Variants in AKAP6 observed in about 807,000 individuals in gnomAD.
AKAP6 encodes A-kinase anchor protein 6.
A neutral mutation model predicts 188.5 loss-of-function variants in AKAP6; 58 were observed. The ratio of observed to expected loss-of-function variants is 0.31; its 90% CI spans 0.25 to 0.38. The LOEUF is 0.38. AKAP6 is among the 10% of genes least tolerant of loss of function. The pLI is 1.00. For missense variants in AKAP6, 2,710 were observed against 2,740.0 expected, an observed-to-expected ratio of 0.99 and a Z score of 0.24; for synonymous variants, 989 against 998.6, an observed-to-expected ratio of 0.99 and a Z score of 0.18.
chr14:32,583,749 G>A (rs189964740), intron 5 of AKAP6, among the ~76,000 whole-genome samples: 4,602 of 152,228 alleles, frequency 0.03, 83 homozygotes, highest in South Asian at 0.048. Flanking sequence ...AGAAATCAGC[G>A]AGACTCCGTG....
intron 1 of AKAP6, among the ~76,000 whole-genome samples, chr14:32,366,022 A>T (rs753370419): frequency 1.3e-4 from 20 of 152,078 alleles, no homozygotes; most frequent in Non-Finnish European, 2.6e-4. Context: ...CCTGCCCCTT[A>T]GGAGGTAAAC....
chr14:32,638,077 A>G (rs1887590144), intron 7 of AKAP6, among the ~76,000 whole-genome samples: 1 of 152,122 alleles, frequency 6.6e-6, no homozygotes, highest in Non-Finnish European at 1.5e-5. Context: ...AAAGGCTATA[A>G]GAACACAAAG....
rs1888646253 is a variant in AKAP6, at chr14:32,389,695, G to T, written c.-34-43765G>T. 2.0e-5 allele frequency among the ~76,000 whole-genome samples: 3 copies of T among 152,068 alleles called. No homozygotes were observed. In the South Asian group the frequency reaches 6.2e-4, roughly 32 times the overall value. On this transcript the variant is annotated intron_variant, in intron 1 of 13. Transcript: ENST00000280979. ...GGTCCCCATCCCTTCTAGCTTGTAG[G>T]GTTTCTGCTGATAAATCTGCTGTTA...
chr14:32,691,563 C>T (rs1485757146), intron 8 of AKAP6, among the ~76,000 whole-genome samples: 2 of 151,788 alleles, frequency 1.3e-5, no homozygotes, highest in African/African-American at 2.4e-5. Flanking sequence ...TCTGATTTGC[C>T]ACTGTTTTTT....
intron 1 of AKAP6, among the ~76,000 whole-genome samples, chr14:32,408,932 T>C (rs1478705234): frequency 6.6e-6 from 1 of 152,106 alleles, no homozygotes; most frequent in Non-Finnish European, 1.5e-5. Context: ...GGCTCACCCC[T>C]ATATCGCCTG....
At chr14:32,611,542 T>C (rs1292769101) in intron 7 of AKAP6, among the ~76,000 whole-genome samples, 2 of 152,136 alleles carry the variant, frequency 1.3e-5, no homozygotes, top group African/African-American at 4.8e-5. Context: ...ACCTTGGAAG[T>C]TGATTTTAAC....
chr14:32,346,753 C>T lies in AKAP6; in HGVS notation c.-35+17345C>T, dbSNP rs1198553347. On this transcript the variant is annotated intron_variant, in intron 1 of 13. Transcript: ENST00000280979. ...TCGATCTCCTGACCTTGTGATCCAC[C>T]CACCTCGGCCTCCCAAAGTGCTGGG... is the stretch of plus-strand genomic sequence containing the variant. Among the ~76,000 whole-genome samples the T allele has an allele frequency of 2.0e-5, 3 of 152,206 alleles. No homozygotes were observed. The East Asian group carries it at 5.8e-4, about 29-fold the overall frequency.
intron 7 of AKAP6, among the ~76,000 whole-genome samples, chr14:32,621,490 G>GT (rs1170571909): frequency 6.6e-6 from 1 of 151,860 alleles, no homozygotes; most frequent in African/African-American, 2.4e-5. Flanking sequence ...ATTTTAAGGG[G>GT]TTTTTTGGAT....
chr14:32,384,130 T>C (rs1204946971), intron 1 of AKAP6, among the ~76,000 whole-genome samples: 2 of 152,188 alleles, frequency 1.3e-5, no homozygotes, highest in Non-Finnish European at 2.9e-5. Flanking sequence ...TTACGTTTGG[T>C]AAATGCTATG....
rs186382844 is a variant in AKAP6, at chr14:32,471,999, G to A, written c.324+38182G>A. ...GATTGTTCCTTAAGATAAAAGAGAG[G>A]TTTGAGAATTTACTTTTTGTCATAG... On this transcript the variant is annotated intron_variant, in intron 2 of 13. Coordinates refer to ENST00000280979, the MANE Select transcript of AKAP6 (RefSeq NM_004274.5). Among the ~76,000 whole-genome samples the A allele has an allele frequency of 2.0e-3, 312 of 152,248 alleles. 2 individuals are homozygous for A. The highest frequency in any genetic ancestry group is 3.5e-3 in the Non-Finnish European group (238 of 68,012).
intron 2 of AKAP6, among the ~76,000 whole-genome samples, chr14:32,454,264 C>G (rs1190968951): frequency 1.3e-5 from 2 of 152,194 alleles, no homozygotes; most frequent in Non-Finnish European, 2.9e-5. Context: ...CAATAAATAA[C>G]TAAGAGAAAT....
chr14:32,506,827 C>T (rs544864477), intron 2 of AKAP6, among the ~76,000 whole-genome samples: 1 of 152,178 alleles, frequency 6.6e-6, no homozygotes, highest in South Asian at 2.1e-4. Context: ...GCCACCACAC[C>T]CAGCCCCTCA....
intron 1 of AKAP6, among the ~76,000 whole-genome samples, chr14:32,354,833 T>C (rs1000627278): frequency 6.6e-6 from 1 of 151,400 alleles, no homozygotes; most frequent in Non-Finnish European, 1.5e-5. Context: ...CATGTGCTTC[T>C]GTTTGCCTAG....
At chr14:32,424,710 GTCC>G (rs1055039487) in intron 1 of AKAP6, among the ~76,000 whole-genome samples, 2 of 151,972 alleles carry the variant, frequency 1.3e-5, no homozygotes, top group Non-Finnish European at 1.5e-5. Flanking sequence ...GTGTCCATGT[GTCC>G]TCATCATTTA....
chr14:32,333,129 A>G (rs540536342), intron 1 of AKAP6, among the ~76,000 whole-genome samples: 1 of 152,236 alleles, frequency 6.6e-6, no homozygotes, highest in South Asian at 2.1e-4. Context: ...ACCTGCTCCA[A>G]AGAGGCCCAA....
chr14:32,636,069 T>TC lies in AKAP6; in HGVS notation c.2730+35277_2730+35278insC, dbSNP rs568021525. 2.3e-4 allele frequency among the ~76,000 whole-genome samples: 35 copies of TC among 152,238 alleles called. No homozygotes were observed. In the South Asian group the frequency reaches 4.3e-3, roughly 19 times the overall value. Reference sequence around the variant, plus strand: ...AAGGACTTTGTATTTTGCCCAGAAATGTTTTGCACTTATTTTTAAAATTAG... The same window carrying TC: ...AAGGACTTTGTATTTTGCCCAGAAATCGTTTTGCACTTATTTTTAAAATTAG... On this transcript the variant is annotated intron_variant, in intron 7 of 13. Coordinates refer to ENST00000280979, the MANE Select transcript of AKAP6 (RefSeq NM_004274.5).
intron 1 of AKAP6, among the ~76,000 whole-genome samples, chr14:32,339,441 A>G (rs1386335719): frequency 1.3e-5 from 2 of 152,178 alleles, no homozygotes; most frequent in Non-Finnish European, 2.9e-5. Context: ...AAGCAGGGAT[A>G]TTGCCTGGGA....
At chr14:32,352,961 G>C (rs1254350052) in intron 1 of AKAP6, among the ~76,000 whole-genome samples, 1 of 152,136 alleles carries the variant, frequency 6.6e-6, no homozygotes, top group Non-Finnish European at 1.5e-5. Context: ...AAGTTTTTGA[G>C]GAACTTCCAT....
chr14:32,630,988 C>T (rs1887245319), intron 7 of AKAP6, among the ~76,000 whole-genome samples: 1 of 152,002 alleles, frequency 6.6e-6, no homozygotes, highest in Non-Finnish European at 1.5e-5. Flanking sequence ...TTTCTTTCTA[C>T]TGCTAATAGT....
Sources: gnomAD v4.1 joint callset for allele counts (sites outside exome capture counted in the v4.1 genomes callset) on GRCh38, gnomAD v4.1.1 for gene constraint, MANE v1.5 for transcripts, NCBI Gene and HGNC (gene_info 2026-07-23, HGNC 2026-07-21) for gene names.